AHI1: variants seen among roughly 807,000 people sequenced by gnomAD.
AHI1 encodes jouberin.
Under a neutral mutation model 149.3 loss-of-function variants are expected in AHI1, and 123 were observed. The ratio of observed to expected loss-of-function variants is 0.82; its 90% CI spans 0.71 to 0.96. The LOEUF (loss-of-function observed/expected upper bound fraction) is 0.96, where lower values mean the gene tolerates loss of function less well. AHI1 is among the 40% of genes least tolerant of loss of function. The pLI is 0.00. For synonymous variants in AHI1, 475 were observed against 459.8 expected, an observed-to-expected ratio of 1.03 and a Z score of -0.42; for missense variants, 1,439 against 1,422.7, an observed-to-expected ratio of 1.01 and a Z score of -0.18.
intron 8 of AHI1, among the ~76,000 whole-genome samples, chr6:135,459,837 G>A (rs1310254723): frequency 6.6e-6 from 1 of 151,508 alleles, no homozygotes; most frequent in Non-Finnish European, 1.5e-5. Flanking sequence ...AAAAAGAAGC[G>A]ATAAAACTAT....
At chr6:135,404,905 T>C in intron 22 of AHI1, 46 bp downstream of exon 22, 1 of 1,570,804 alleles carries the variant, frequency 6.4e-7, no homozygotes, top group Non-Finnish European at 8.8e-7. Context: ...CTTTGGAGCA[T>C]CACTATACCT....
chr6:135,398,248 A>G (rs1779533884), intron 22 of AHI1, among the ~76,000 whole-genome samples: 1 of 152,154 alleles, frequency 6.6e-6, no homozygotes, highest in African/African-American at 2.4e-5. Context: ...CTAGCTTAGT[A>G]AAGTCTAAGC....
At chr6:135,379,478 C>T (rs1776381445) in intron 23 of AHI1, among the ~76,000 whole-genome samples, 1 of 152,184 alleles carries the variant, frequency 6.6e-6, no homozygotes, top group Admixed American at 6.5e-5. Flanking sequence ...AGTTCACATA[C>T]TGTCTTCTCT....
chr6:135,436,527 A>G (rs752997806), intron 15 of AHI1, among the ~76,000 whole-genome samples: 4 of 152,166 alleles, frequency 2.6e-5, no homozygotes, highest in Non-Finnish European at 5.9e-5. Context: ...ATGGTGTAGA[A>G]AAAGAAAAAT....
intron 25 of AHI1, among the ~76,000 whole-genome samples, chr6:135,320,544 G>A (rs911188256): frequency 2.6e-5 from 4 of 152,142 alleles, no homozygotes; most frequent in African/African-American, 7.2e-5. Flanking sequence ...TCCCTCTTCA[G>A]CCTCCTGAAG....
intron 1 of AHI1, 42 bp downstream of exon 1, chr6:135,497,541 C>G (rs1436072942): frequency 6.5e-6 from 1 of 153,136 alleles, no homozygotes; most frequent in Non-Finnish European, 1.5e-5. Context: ...CCGAGCACCC[C>G]GGCCCGCGCT....
intron 18 of AHI1, among the ~76,000 whole-genome samples, chr6:135,429,446 CA>C (rs1233938872): frequency 6.6e-6 from 1 of 151,026 alleles, no homozygotes; most frequent in African/African-American, 2.4e-5. Flanking sequence ...TGGAAATAAA[CA>C]AAAAAACAAG....
chr6:135,426,590 G>T (rs1783943645), intron 20 of AHI1, among the ~76,000 whole-genome samples: 1 of 151,534 alleles, frequency 6.6e-6, no homozygotes, highest in Non-Finnish European at 1.5e-5. Flanking sequence ...GTATAATATA[G>T]AAGAGTGGAA....
chr6:135,488,536 T>C (rs1478816243), intron 5 of AHI1, among the ~76,000 whole-genome samples: 1 of 152,286 alleles, frequency 6.6e-6, no homozygotes, highest in East Asian at 1.9e-4. Flanking sequence ...GGAAATCACC[T>C]AACATGTCTG....
At chr6:135,435,612 A>C (rs1045110805) in intron 15 of AHI1, among the ~76,000 whole-genome samples, 1 of 152,228 alleles carries the variant, frequency 6.6e-6, no homozygotes, top group Non-Finnish European at 1.5e-5. Context: ...GTCAATGAGG[A>C]ACATGCCTGT....
At chr6:135,421,674 T>A (rs1262726459) in intron 20 of AHI1, among the ~76,000 whole-genome samples, 3 of 152,180 alleles carry the variant, frequency 2.0e-5, no homozygotes, top group Middle Eastern at 3.4e-3. Context: ...TTAAAAAAAA[T>A]GTCTTAAAGA....
chr6:135,401,190 C>CT (rs773676501), intron 22 of AHI1, among the ~76,000 whole-genome samples: 4 of 152,194 alleles, frequency 2.6e-5, no homozygotes, highest in Non-Finnish European at 4.4e-5. Flanking sequence ...GCAAGGCCTT[C>CT]TATGACCATC....
intron 5 of AHI1, among the ~76,000 whole-genome samples, chr6:135,477,388 C>G (rs181683913): frequency 1.2e-3 from 178 of 152,212 alleles, no homozygotes; most frequent in Non-Finnish European, 2.0e-3. Context: ...TTTTGTGATT[C>G]CATTATCATT....
chr6:135,372,432 G>T (rs2128457524), intron 23 of AHI1, among the ~76,000 whole-genome samples: 1 of 152,012 alleles, frequency 6.6e-6, no homozygotes, highest in Non-Finnish European at 1.5e-5. Flanking sequence ...AGCACTTGGG[G>T]AGGCTGAGGC....
At chr6:135,400,822 T>A (rs903883096) in intron 22 of AHI1, among the ~76,000 whole-genome samples, 1 of 152,194 alleles carries the variant, frequency 6.6e-6, no homozygotes, top group African/African-American at 2.4e-5. Flanking sequence ...ATGCATCTTT[T>A]CTCTTGCAAC....
chr6:135,389,029 G>C (rs112839854), intron 23 of AHI1, among the ~76,000 whole-genome samples: 1 of 148,682 alleles, frequency 6.7e-6, no homozygotes, highest in Admixed American at 6.7e-5. Flanking sequence ...CAAAAAATAC[G>C]GCCAAGTGCA....
intron 19 of AHI1, 142 bp from the exon 20 acceptor site, chr6:135,427,449 A>C: frequency 1.4e-6 from 1 of 734,768 alleles, no homozygotes; most frequent in African/African-American, 1.8e-5. Flanking sequence ...TCAAATATTT[A>C]AAAATGTTTG....
chr6:135,489,684 G>T (rs146780442), intron 5 of AHI1, among the ~76,000 whole-genome samples: 41 of 152,238 alleles, frequency 2.7e-4, no homozygotes, highest in Non-Finnish European at 4.6e-4. Context: ...TTTTTGTGCA[G>T]TCGTACACCA....
At chr6:135,496,979 T>A (rs145574046) in intron 2 of AHI1, among the ~76,000 whole-genome samples, 1 of 152,358 alleles carries the variant, frequency 6.6e-6, no homozygotes, top group East Asian at 1.9e-4. Flanking sequence ...CAACTGTTAA[T>A]GCAACAGGTG....
Sources: allele counts gnomAD v4.1 joint callset (sites outside exome capture counted in the v4.1 genomes callset), GRCh38; gene constraint gnomAD v4.1.1; transcripts MANE v1.5; gene names NCBI Gene and HGNC (gene_info 2026-07-23, HGNC 2026-07-21).